GNAL: variants seen among roughly 807,000 people sequenced by gnomAD.
GNAL encodes the protein guanine nucleotide-binding protein G(olf) subunit alpha.
A neutral mutation model predicts 55.1 loss-of-function variants in GNAL; 18 were observed. The ratio of observed to expected loss-of-function variants is 0.33; its 90% CI spans 0.23 to 0.48. The LOEUF is 0.48. Among genes scored for constraint, GNAL ranks in the 20% least tolerant of loss-of-function variants. The pLI is 0.99. For missense variants in GNAL, 412 were observed against 614.1 expected, an observed-to-expected ratio of 0.67 and a Z score of 3.48; for synonymous variants, 253 against 237.0, an observed-to-expected ratio of 1.07 and a Z score of -0.62.
intron 1 of GNAL, among the ~76,000 whole-genome samples, chr18:11,728,581 C>T (rs1052101039): frequency 7.9e-5 from 12 of 152,292 alleles, no homozygotes; most frequent in Non-Finnish European, 1.6e-4. Context: ...TTGTTTCTAA[C>T]AGGTGTTTGT....
intron 5 of GNAL, among the ~76,000 whole-genome samples, chr18:11,846,841 T>C (rs1044531041): frequency 6.6e-6 from 1 of 151,992 alleles, no homozygotes; most frequent in Non-Finnish European, 1.5e-5. Flanking sequence ...CCTCCCAAAG[T>C]GTTGTGATTA....
chr18:11,859,948 A>G (rs2036094235), intron 5 of GNAL, among the ~76,000 whole-genome samples: 2 of 152,026 alleles, frequency 1.3e-5, no homozygotes, highest in South Asian at 2.1e-4. Flanking sequence ...GGGTTTCACA[A>G]TGTTGGCTAG....
chr18:11,715,295 T>TA (rs1286220417), intron 1 of GNAL, among the ~76,000 whole-genome samples: 1 of 148,138 alleles, frequency 6.8e-6, no homozygotes, highest in Admixed American at 6.7e-5. Flanking sequence ...CTGTCTCTAC[T>TA]AAAAAAATAC....
intron 4 of GNAL, among the ~76,000 whole-genome samples, chr18:11,755,174 G>A (rs2033007801): frequency 6.6e-6 from 1 of 152,254 alleles, no homozygotes. Flanking sequence ...CGCCCTGCCT[G>A]CAAGGGCTGT....
intron 5 of GNAL, among the ~76,000 whole-genome samples, chr18:11,843,772 G>C (rs2035670474): frequency 1.3e-5 from 2 of 150,960 alleles, no homozygotes; most frequent in Non-Finnish European, 3.0e-5. Flanking sequence ...TCGGGAGTTT[G>C]AGACCAGCCT....
chr18:11,873,691 C>G (rs2036452031), intron 10 of GNAL, among the ~76,000 whole-genome samples: 1 of 152,226 alleles, frequency 6.6e-6, no homozygotes, highest in South Asian at 2.1e-4. Flanking sequence ...AGGACTGAGG[C>G]CGGGTGCCGC....
chr18:11,792,304 G>A (rs942274963), intron 4 of GNAL, among the ~76,000 whole-genome samples: 8 of 152,080 alleles, frequency 5.3e-5, no homozygotes, highest in Non-Finnish European at 2.9e-5. Context: ...TCATGCCTCA[G>A]CCTCCCGAGT....
At chr18:11,749,928 A>AC (rs2032777023) in intron 1 of GNAL, among the ~76,000 whole-genome samples, 1 of 152,196 alleles carries the variant, frequency 6.6e-6, no homozygotes, top group South Asian at 2.1e-4. Flanking sequence ...CACCAGAAGG[A>AC]CCAGGCCCAG....
At chr18:11,863,054 T>C (rs1292074101) in intron 6 of GNAL, among the ~76,000 whole-genome samples, 2 of 152,112 alleles carry the variant, frequency 1.3e-5, no homozygotes, top group African/African-American at 4.8e-5. Flanking sequence ...AATTTTTGTA[T>C]TTTTAGTGGA....
chr18:11,823,508 C>A (rs2035159662), intron 4 of GNAL, among the ~76,000 whole-genome samples: 1 of 152,224 alleles, frequency 6.6e-6, no homozygotes, highest in South Asian at 2.1e-4. Context: ...TTCTACTCCC[C>A]TTCCAAGGAT....
chr18:11,869,925 T>A (rs912998557), intron 9 of GNAL, among the ~76,000 whole-genome samples: 1 of 151,970 alleles, frequency 6.6e-6, no homozygotes, highest in African/African-American at 2.4e-5. Flanking sequence ...CGTAATTAAT[T>A]AAAATAAAAA....
chr18:11,836,246 C>T (rs1488446804), intron 5 of GNAL, among the ~76,000 whole-genome samples: 2 of 151,876 alleles, frequency 1.3e-5, no homozygotes, highest in Non-Finnish European at 2.9e-5. Flanking sequence ...TGGGAGGTCG[C>T]GACCAGCCTG....
chr18:11,861,696 A>C (rs1038038068), intron 5 of GNAL, among the ~76,000 whole-genome samples: 4 of 152,130 alleles, frequency 2.6e-5, no homozygotes, highest in Non-Finnish European at 5.9e-5. Context: ...CCCTCTCGGA[A>C]GGGTCATCAC....
At chr18:11,706,927 G>A (rs1290631755) in intron 1 of GNAL, among the ~76,000 whole-genome samples, 1 of 152,170 alleles carries the variant, frequency 6.6e-6, no homozygotes, top group African/African-American at 2.4e-5. Flanking sequence ...CCAAATTCCT[G>A]TTCATGTTGC....
chr18:11,743,511 T>C (rs1320787341), intron 1 of GNAL, among the ~76,000 whole-genome samples: 1 of 152,246 alleles, frequency 6.6e-6, no homozygotes, highest in Non-Finnish European at 1.5e-5. Flanking sequence ...AATTATTTTT[T>C]ATCATAAAAT....
chr18:11,858,170 C>T (rs2036052616), intron 5 of GNAL, among the ~76,000 whole-genome samples: 1 of 152,012 alleles, frequency 6.6e-6, no homozygotes, highest in Non-Finnish European at 1.5e-5. Context: ...TGCATTGTTA[C>T]TTTTGCTAAT....
At chr18:11,810,835 CCGTTCCTGAAGGGT>C (rs1054543719) in intron 4 of GNAL, 2 of 152,304 alleles carry the variant, frequency 1.3e-5, no homozygotes, top group African/African-American at 2.4e-5. Flanking sequence ...TTTTCTTGGG[CCGTTCCTGAAGGGT>C]CTGAAGGCTG....
chr18:11,867,896 G>A (rs58837561), intron 8 of GNAL, among the ~76,000 whole-genome samples: 5,891 of 151,868 alleles, frequency 0.039, 367 homozygotes, highest in African/African-American at 0.13. Context: ...AGGCTGGGGT[G>A]GGTGGATCAC....
intron 4 of GNAL, among the ~76,000 whole-genome samples, chr18:11,795,994 C>T (rs1314212566): frequency 6.6e-6 from 1 of 152,190 alleles, no homozygotes; most frequent in Non-Finnish European, 1.5e-5. Context: ...ATGGAGGACC[C>T]AGTTATGAGG....
Sources: allele counts gnomAD v4.1 joint callset (sites outside exome capture counted in the v4.1 genomes callset), GRCh38; gene constraint gnomAD v4.1.1; transcripts MANE v1.5; gene names NCBI Gene and HGNC (gene_info 2026-07-23, HGNC 2026-07-21).